KLHL26: variants seen among roughly 807,000 people sequenced by gnomAD.
The protein encoded by KLHL26 is kelch-like protein 26.
KLHL26 carries 4 observed loss-of-function variants against 7.1 expected under a neutral mutation model. The observed-to-expected ratio is 0.56, with a 90% confidence interval of 0.28 to 1.28. KLHL26 has a LOEUF of 1.28. Ranked by LOEUF, KLHL26 falls within the 50% of genes most tolerant of loss-of-function variation. The pLI, the probability that KLHL26 is intolerant of heterozygous loss-of-function variation, is 0.11. For synonymous variants in KLHL26, 465 were observed against 414.1 expected, an observed-to-expected ratio of 1.12 and a Z score of -1.49; for missense variants, 896 against 924.6, an observed-to-expected ratio of 0.97 and a Z score of 0.40.
rs554192763 is a variant in KLHL26 at position 18,651,081 on chromosome 19, C to T, written c.84-13180C>T. Among the ~76,000 whole-genome samples, 642 of 152,216 alleles carry T rather than the reference C, an allele frequency of 4.2e-3. 3 individuals are homozygous for T. Among genetic ancestry groups the T allele is most frequent in the Admixed American group, 7.5e-3 (114 of 15,286 alleles). On this transcript the variant is annotated intron_variant, in intron 1 of 2. Transcript: ENST00000300976. ...AAGATACTGCCGTCAGTTAAAGACT[C>T]GAAGTTCACATTTTAAAAAGTGCAA...
chr19:18,668,402 GC>G lies in KLHL26; in HGVS notation c.1007del (p.Pro336ArgfsTer14). 6.2e-7 allele frequency: 1 copy of G among 1,606,528 alleles called. No individual in the cohort carries two copies. Among genetic ancestry groups the G allele is most frequent in the Non-Finnish European group, 8.5e-7 (1 of 1,178,814 alleles). On this transcript the variant is annotated frameshift_variant, in exon 3 of 3. Transcript: ENST00000300976. LOFTEE classifies it low-confidence loss of function (END_TRUNC). ...VSSKVYQLPE[P>X]GARHFRELTE... ...GCAGCAAGGTCTACCAGCTGCCTGAGCCGGGAGCCCGCCACTTCCGCGAGCT... is the reference window on the plus strand; with the variant it reads ...GCAGCAAGGTCTACCAGCTGCCTGAGCGGGAGCCCGCCACTTCCGCGAGCT...
chr19:18,638,098 C>T (rs1479586154), intron 1 of KLHL26, among the ~76,000 whole-genome samples: 1 of 152,250 alleles, frequency 6.6e-6, no homozygotes, highest in Non-Finnish European at 1.5e-5. Context: ...CCTCCCACCC[C>T]AGCTCCTCCT....
intron 1 of KLHL26, among the ~76,000 whole-genome samples, chr19:18,659,397 G>A (rs1189485066): frequency 1.3e-5 from 2 of 152,238 alleles, no homozygotes; most frequent in Non-Finnish European, 2.9e-5. Context: ...ATCAGCCGGG[G>A]TGGGAGCCAA....
intron 1 of KLHL26, among the ~76,000 whole-genome samples, chr19:18,640,551 A>ATTTTTTT (rs56247740): frequency 5.2e-5 from 5 of 96,630 alleles, no homozygotes; most frequent in African/African-American, 8.8e-5. Flanking sequence ...CTATGTTTTA[A>ATTTTTTT]TTTTTTTTTT....
chr19:18,668,339 C>G lies in KLHL26; in HGVS notation c.942C>G (p.Phe314Leu), dbSNP rs145844063. The G allele has an allele frequency of 1.2e-6, 2 of 1,608,644 alleles. No homozygotes were observed. Among genetic ancestry groups the G allele is most frequent in the East Asian group, 2.2e-5 (1 of 44,850 alleles). Reference protein sequence around the residue: ...VRSDVPSLVTFGGTPYTDSDR... With the variant: ...VRSDVPSLVTLGGTPYTDSDR... The stretch of plus-strand genomic sequence containing the variant: ...CGGATGTGCCCTCGCTCGTCACCTT[C>G]GGCGGCACGCCCTACACCGACAGCG... Residue 314 changes from phenylalanine (F) to leucine (L), a missense_variant, in exon 3 of 3, where the codon TTC becomes TTG. Transcript: ENST00000300976.
intron 1 of KLHL26, among the ~76,000 whole-genome samples, chr19:18,661,268 C>T (rs1050055743): frequency 2.8e-4 from 43 of 152,088 alleles, no homozygotes; most frequent in Admixed American, 7.2e-4. Context: ...TTCTGGGTTC[C>T]GGGCACCCTC....
At chr19:18,662,679 C>T (rs1187822407) in intron 1 of KLHL26, among the ~76,000 whole-genome samples, 2 of 152,144 alleles carry the variant, frequency 1.3e-5, no homozygotes, top group African/African-American at 4.8e-5. Context: ...CTGGAGATGT[C>T]CAGGCAGGTG....
intron 1 of KLHL26, among the ~76,000 whole-genome samples, chr19:18,638,245 C>G (rs544183230): frequency 9.9e-5 from 15 of 152,260 alleles, no homozygotes; most frequent in African/African-American, 3.6e-4. Flanking sequence ...AGTTTTGGAC[C>G]TGTGGGCTGA....
At chr19:18,647,067 C>T (rs556062797) in intron 1 of KLHL26, among the ~76,000 whole-genome samples, 40 of 152,344 alleles carry the variant, frequency 2.6e-4, no homozygotes, top group African/African-American at 9.4e-4. Flanking sequence ...CCAGGCCACT[C>T]GATCTGCCCC....
In KLHL26 at chr19:18,648,895, TC is replaced by T. The variant is rs1976850935; in HGVS notation, c.83+11762del. Among the ~76,000 whole-genome samples the T allele has an allele frequency of 2.0e-5, 3 of 151,986 alleles. No homozygotes were observed. Among genetic ancestry groups the T allele is most frequent in the Admixed American group, 2.0e-4 (3 of 15,268 alleles). The stretch of plus-strand genomic sequence containing the variant: ...CTGGCTCTTCCCCTTCTGGGCATCA[TC>T]CCCAACTCCAGCCAGCGGGACCCTC... On this transcript the variant is annotated intron_variant, in intron 1 of 2. Transcript: ENST00000300976. This position sits in a 1 kb window ranked among gnomAD's most constrained non-coding sequence, Gnocchi z 4.9.
intron 1 of KLHL26, among the ~76,000 whole-genome samples, chr19:18,654,939 G>A (rs2052314812): frequency 6.6e-6 from 1 of 152,256 alleles, no homozygotes; most frequent in Non-Finnish European, 1.5e-5. Context: ...AGGCATGGCG[G>A]TGAGCACCAG....
chr19:18,658,808 C>T (rs1046682171), intron 1 of KLHL26, among the ~76,000 whole-genome samples: 1 of 149,580 alleles, frequency 6.7e-6, no homozygotes, highest in Non-Finnish European at 1.5e-5. Flanking sequence ...TTTTTTTCTC[C>T]TCTTGCTGGG....
chr19:18,654,480 C>G (rs10403231), intron 1 of KLHL26, among the ~76,000 whole-genome samples: 55,651 of 150,714 alleles, frequency 0.37, 10,704 homozygotes, highest in East Asian at 0.51. Context: ...CATCCGCCCA[C>G]CCATCCATCC....
chr19:18,661,066 G>A (rs897648837), intron 1 of KLHL26, among the ~76,000 whole-genome samples: 10 of 152,186 alleles, frequency 6.6e-5, no homozygotes, highest in African/African-American at 1.9e-4. Flanking sequence ...AGGGCTCTGC[G>A]TTTGCTCATC....
intron 1 of KLHL26, among the ~76,000 whole-genome samples, chr19:18,640,230 T>C (rs756930218): frequency 6.6e-5 from 10 of 151,990 alleles, no homozygotes; most frequent in Non-Finnish European, 1.2e-4. Context: ...ATATGGTAGA[T>C]GTGTTTAAAT....
At chr19:18,651,880 A>G (rs1007045962) in intron 1 of KLHL26, among the ~76,000 whole-genome samples, 6 of 152,238 alleles carry the variant, frequency 3.9e-5, no homozygotes, top group South Asian at 2.1e-4. Flanking sequence ...TGCCGGCCCA[A>G]TGCAGTGGGA....
At position 18,668,403 on chromosome 19, in the gene KLHL26, C is replaced by G. The variant is rs1238792235; in HGVS notation, c.1006C>G (p.Pro336Ala). 1.2e-6 allele frequency: 2 copies of G among 1,605,850 alleles called. No homozygotes were observed. The highest frequency in any genetic ancestry group is 2.2e-5 in the South Asian group (2 of 90,706). The change falls in exon 3 of 3, where the codon CCG becomes GCG. Residue 336 changes from proline to alanine, a missense_variant. Pro to Ala is a conservative substitution (Grantham distance 27). Coordinates refer to ENST00000300976, the MANE Select transcript of KLHL26 (RefSeq NM_018316.3). The stretch of plus-strand genomic sequence containing the variant: ...CAGCAAGGTCTACCAGCTGCCTGAG[C>G]CGGGAGCCCGCCACTTCCGCGAGCT... ...VSSKVYQLPE[P>A]GARHFRELTE...
In KLHL26 at chr19:18,668,314, C is replaced by T. The variant is rs754382650; in HGVS notation, c.917C>T (p.Ser306Leu). 2.5e-5 allele frequency: 41 copies of T among 1,610,934 alleles called. No individual in the cohort carries two copies. The highest frequency in any genetic ancestry group is 3.4e-5 in the Non-Finnish European group (40 of 1,179,710). The change falls in exon 3 of 3, where the codon TCG (serine) becomes TTG (leucine). Residue 306 changes from serine (S) to leucine (L), a missense_variant. Physicochemically the swap from Ser to Leu is moderately radical, Grantham distance 145. Transcript: ENST00000300976. ...CAGTCTCCGCGCACCGCCGTGCGCT[C>T]GGATGTGCCCTCGCTCGTCACCTTC... ...EMQSPRTAVR[S>L]DVPSLVTFGG...
chr19:18,646,889 C>T lies in KLHL26; in HGVS notation c.83+9752C>T, dbSNP rs949924309. Among the ~76,000 whole-genome samples, 6 of 151,174 alleles carry T rather than the reference C, an allele frequency of 4.0e-5. No homozygotes were observed. The highest frequency in any genetic ancestry group is 1.2e-4 in the African/African-American group (5 of 41,184). On this transcript the variant is annotated intron_variant, in intron 1 of 2. Transcript: ENST00000300976. This position sits in a 1 kb window ranked among gnomAD's most constrained non-coding sequence, Gnocchi z 5.0. ...GCAGGGGCAGCGAGAGAGTAGAGCA[C>T]GTCCAGCGTGAGCTGGAGAGGGCAG...
Sources: allele counts gnomAD v4.1 joint callset (sites outside exome capture counted in the v4.1 genomes callset), GRCh38; gene constraint gnomAD v4.1.1; non-coding constraint Gnocchi (gnomAD v3.1); transcripts MANE v1.5; gene names NCBI Gene and HGNC (gene_info 2026-07-23, HGNC 2026-07-21).